The following FAM118A variants were observed in gnomAD, a reference collection of about 807,000 sequenced individuals.
The protein encoded by FAM118A is protein FAM118A.
In FAM118A, 25 loss-of-function variants were observed where a neutral mutation model predicts 38.2. The observed-to-expected ratio is 0.65, with a 90% CI of 0.48 to 0.91. FAM118A has a LOEUF of 0.91. Ranked by LOEUF, FAM118A falls within the 40% of genes least tolerant of loss-of-function variation. The pLI, the probability that FAM118A is intolerant of heterozygous loss-of-function variation, is 0.00. For synonymous variants in FAM118A, 178 were observed against 184.1 expected (o/e 0.97, Z 0.27); for missense variants, 425 against 463.3 (o/e 0.92, Z 0.76).
At chr22:45,340,175 A>G (rs778636342) in intron 8 of FAM118A, among the ~76,000 whole-genome samples, 1 of 152,230 alleles carries the variant, frequency 6.6e-6, no homozygotes, top group Non-Finnish European at 1.5e-5. Context: ...TTGCAAATGT[A>G]ATGTCATCAT....
chr22:45,338,325 A>G (rs2009848), intron 8 of FAM118A, among the ~76,000 whole-genome samples: 67,238 of 151,808 alleles, frequency 0.44, 17,750 homozygotes, highest in Non-Finnish European at 0.61. Flanking sequence ...CGCTTCTTGG[A>G]TTCAAGCTGT....
intron 1 of FAM118A, among the ~76,000 whole-genome samples, chr22:45,315,514 T>C (rs535008096): frequency 0.012 from 1,819 of 152,202 alleles, 58 homozygotes; most frequent in Admixed American, 0.07. Context: ...ACTGTACACT[T>C]TATTAAGTGC....
intron 8 of FAM118A, among the ~76,000 whole-genome samples, chr22:45,337,487 T>TA (rs2086189577): frequency 1.3e-5 from 2 of 152,238 alleles, no homozygotes; most frequent in African/African-American, 4.8e-5. Flanking sequence ...TGTTACTTCT[T>TA]ACTTTTTGAG....
At chr22:45,335,206 CGCA>C in intron 6 of FAM118A, 141 bp from the exon 7 acceptor site, 1 of 788,096 alleles carries the variant, frequency 1.3e-6, no homozygotes, top group Middle Eastern at 3.3e-4. Context: ...CAGCGAGCAG[CGCA>C]GGAGTCCGCA....
chr22:45,326,032 G>C (rs771400425), intron 3 of FAM118A, among the ~76,000 whole-genome samples: 1 of 152,102 alleles, frequency 6.6e-6, no homozygotes, highest in African/African-American at 2.4e-5. Flanking sequence ...GAACCTATGA[G>C]TCTTGGTTTT....
chr22:45,337,766 A>G, intron 8 of FAM118A: 1 of 924,604 alleles, frequency 1.1e-6, no homozygotes, highest in Non-Finnish European at 1.3e-6. Context: ...CCATCCTGCT[A>G]GTACCTCCTG....
chr22:45,337,926 T>C (rs2086220410), intron 8 of FAM118A: 7 of 983,372 alleles, frequency 7.1e-6, no homozygotes, highest in African/African-American at 3.5e-5. Flanking sequence ...CCAGGTTTCC[T>C]ATGAAGAGGG....
rs1413863992 is a variant in FAM118A, at chr22:45,333,297, A to G, written c.937+587A>G. ...TCCCAGTTTTTTGGGAGGCCAAGGC[A>G]GGAGGATTGCTTGAGCCCAGGAGTT... On this transcript the variant is annotated intron_variant, in intron 6 of 8. Transcript: ENST00000441876. 2.0e-5 allele frequency among the ~76,000 whole-genome samples: 3 copies of G among 152,268 alleles called. 1 individual carries two copies. The highest frequency in any genetic ancestry group is 2.0e-4 in the Admixed American group (3 of 15,302).
intron 4 of FAM118A, chr22:45,328,784 CAAAAG>C (rs2085495914): frequency 3.8e-6 from 1 of 261,098 alleles, no homozygotes; most frequent in Non-Finnish European, 7.3e-6. Flanking sequence ...TCTCAAAAAA[CAAAAG>C]AAAAAAAAAA....
intron 1 of FAM118A, among the ~76,000 whole-genome samples, chr22:45,313,319 G>GTT (rs11322212): frequency 4.1e-4 from 46 of 112,680 alleles, no homozygotes; most frequent in African/African-American, 1.0e-3. Flanking sequence ...TGTCGTGAGG[G>GTT]TTTTTTTTTT....
chr22:45,322,950 T>C (rs2084971496), intron 2 of FAM118A, among the ~76,000 whole-genome samples: 5 of 152,062 alleles, frequency 3.3e-5, no homozygotes. Context: ...GACACAGCTG[T>C]CCCACGTCCT....
In FAM118A at chr22:45,323,370, G is replaced by A; in HGVS notation, c.243G>A (p.Val81=). The change falls in exon 3 of 9, where the codon GTG becomes GTA. Residue 81 remains valine (V), a synonymous_variant. Transcript: ENST00000441876. ...ACGTCGCCGAGTTCCGGAGGAAAGT[G>A]ACAAAGGACCGGGACCTGTTGGTTG... The part of the protein sequence containing the change: ...PGDVAEFRRK[V]TKDRDLLVVA... 1 of 1,614,212 alleles carries A rather than the reference G, an allele frequency of 6.2e-7. No homozygotes were observed.
intron 4 of FAM118A, chr22:45,328,786 A>G (rs2085496306): frequency 2.6e-5 from 8 of 302,890 alleles, no homozygotes; most frequent in Non-Finnish European, 3.8e-5. Flanking sequence ...TCAAAAAACA[A>G]AAGAAAAAAA....
intron 1 of FAM118A, chr22:45,322,100 A>G (rs2084913465): frequency 1.7e-6 from 2 of 1,150,912 alleles, no homozygotes; most frequent in Non-Finnish European, 1.2e-6. Context: ...CCCATCCTTC[A>G]TCTGCTCCTG....
chr22:45,323,061 G>A (rs2084990084), intron 2 of FAM118A, 114 bp from the exon 3 acceptor site: 6 of 1,073,074 alleles, frequency 5.6e-6, no homozygotes, highest in Non-Finnish European at 5.5e-6. Flanking sequence ...GTGTGTGTGT[G>A]TGTGTGTGTG....
rs1197587042 is a variant in FAM118A, at chr22:45,322,715, A to G, written c.47+289A>G. ...GAAAGAATTCTTTGACTACAGATGGACAGCAGCTTGTGTTTGCTATAAAGT... is the reference window on the plus strand; with the variant it reads ...GAAAGAATTCTTTGACTACAGATGGGCAGCAGCTTGTGTTTGCTATAAAGT... On this transcript the variant is annotated intron_variant, in intron 2 of 8. Transcript: ENST00000441876. 2.0e-5 allele frequency among the ~76,000 whole-genome samples: 3 copies of G among 152,208 alleles called. No individual in the cohort carries two copies. In the East Asian group the frequency reaches 5.8e-4, roughly 29 times the overall value.
chr22:45,330,431 C>A, intron 4 of FAM118A, 172 bp from the exon 5 acceptor site: 1 of 636,586 alleles, frequency 1.6e-6, no homozygotes, highest in African/African-American at 1.9e-5. Context: ...ATAACTAGGG[C>A]TCACAACCAA....
At chr22:45,325,430 A>G (rs1037668444) in intron 3 of FAM118A, among the ~76,000 whole-genome samples, 1 of 152,046 alleles carries the variant, frequency 6.6e-6, no homozygotes, top group Admixed American at 6.6e-5. Context: ...TATTGGGGGA[A>G]GTTGTAGTGA....
At position 45,332,599 on chromosome 22, in the gene FAM118A, G is replaced by A. The variant is rs781450618; in HGVS notation, c.826G>A (p.Ala276Thr). 4 of 1,614,154 alleles carry A rather than the reference G, an allele frequency of 2.5e-6. No homozygotes were observed. Among genetic ancestry groups the A allele is most frequent in the Non-Finnish European group, 3.4e-6 (4 of 1,180,032 alleles). ...TGAAGACCATTTCTTTAAGCATCAG[G>A]CAGATATGCTTCTGCACGGAATCAA... ...ENEDHFFKHQ[A>T]DMLLHGIKVV... The change falls in exon 6 of 9, where the codon GCA becomes ACA. Residue 276 changes from alanine to threonine, a missense_variant. Physicochemically the swap from Ala to Thr is moderately conservative, Grantham distance 58. Transcript: ENST00000441876.
Sources: allele counts gnomAD v4.1 joint callset (sites outside exome capture counted in the v4.1 genomes callset), GRCh38; gene constraint gnomAD v4.1.1; transcripts MANE v1.5; gene names NCBI Gene and HGNC (gene_info 2026-07-23, HGNC 2026-07-21).